Variants in ZNF83 observed in about 807,000 individuals in gnomAD.
The protein encoded by ZNF83 is zinc finger protein 816B.
For synonymous variants in ZNF83, 209 were observed against 213.0 expected, an observed-to-expected ratio of 0.98 and a Z score of 0.17; for missense variants, 552 against 629.9, an observed-to-expected ratio of 0.88 and a Z score of 1.32.
intron 2 of ZNF83, chr19:52,617,411 C>CAGAAATACAA (rs2060350636): frequency 1.3e-5 from 2 of 152,012 alleles, no homozygotes; most frequent in African/African-American, 4.8e-5. Context: ...TTGAGGTGGT[C>CAGAAATACAA]AGAAATACAA....
chr19:52,631,184 T>G (rs1089761), intron 2 of ZNF83, among the ~76,000 whole-genome samples: 1 of 146,066 alleles, frequency 6.8e-6, no homozygotes, highest in East Asian at 2.0e-4. Context: ...CCCAAATTTC[T>G]TCCTCATCTG....
At chr19:52,658,068 G>A (rs749600470) in intron 2 of ZNF83, among the ~76,000 whole-genome samples, 3 of 151,424 alleles carry the variant, frequency 2.0e-5, no homozygotes, top group Non-Finnish European at 2.9e-5. Flanking sequence ...CCATGAAAGC[G>A]GAGGTTGCAA....
intron 1 of ZNF83, among the ~76,000 whole-genome samples, chr19:52,666,367 C>T (rs2061653488): frequency 6.6e-6 from 1 of 152,084 alleles, no homozygotes; most frequent in South Asian, 2.1e-4. Flanking sequence ...AATTGAAGGT[C>T]TTCTCCATGA....
intron 3 of ZNF83, chr19:52,654,051 C>T: frequency 6.3e-7 from 1 of 1,588,856 alleles, no homozygotes. Context: ...TGATAGACTT[C>T]TCCACTTGAT....
chr19:52,629,735 C>T (rs2060881432), intron 2 of ZNF83, among the ~76,000 whole-genome samples: 1 of 152,198 alleles, frequency 6.6e-6, no homozygotes, highest in Non-Finnish European at 1.5e-5. Context: ...CGTTTGGCAG[C>T]AACCCTGAGA....
At chr19:52,645,625 G>A (rs971063705) in intron 3 of ZNF83, among the ~76,000 whole-genome samples, 5 of 152,086 alleles carry the variant, frequency 3.3e-5, no homozygotes, top group Non-Finnish European at 5.9e-5. Flanking sequence ...TGGCCAACAT[G>A]GTGAAACTCC....
intron 3 of ZNF83, chr19:52,652,898 G>T: frequency 9.1e-7 from 1 of 1,102,632 alleles, no homozygotes; most frequent in Non-Finnish European, 1.4e-6. Flanking sequence ...CACTTGTAAG[G>T]TTTCTCTCCA....
At chr19:52,689,977 G>GC (rs1377591991) in intron 1 of ZNF83, among the ~76,000 whole-genome samples, 1 of 152,188 alleles carries the variant, frequency 6.6e-6, no homozygotes, top group Non-Finnish European at 1.5e-5. Context: ...GAGGGAGGTG[G>GC]GGGGCGACGG....
chr19:52,677,697 G>A (rs565371168), intron 1 of ZNF83, among the ~76,000 whole-genome samples: 5 of 53,654 alleles, frequency 9.3e-5, no homozygotes, highest in African/African-American at 3.6e-4. Flanking sequence ...GACCACAGGC[G>A]TGAAGAATGA....
chr19:52,622,163 A>G (rs1452086345), intron 2 of ZNF83, among the ~76,000 whole-genome samples: 2 of 151,840 alleles, frequency 1.3e-5, no homozygotes, highest in South Asian at 2.1e-4. Context: ...TCGGCTTACA[A>G]TTTCGTTCTG....
intron 3 of ZNF83, among the ~76,000 whole-genome samples, chr19:52,649,904 A>T (rs552356770): frequency 6.6e-6 from 1 of 152,142 alleles, no homozygotes; most frequent in South Asian, 2.1e-4. Flanking sequence ...AAAAAGAAAA[A>T]TTTTCTGACA....
chr19:52,668,575 A>G (rs748127112), intron 1 of ZNF83, among the ~76,000 whole-genome samples: 1 of 152,102 alleles, frequency 6.6e-6, no homozygotes, highest in African/African-American at 2.4e-5. Flanking sequence ...CCTTTCCCAA[A>G]TCTATGAAAT....
At chr19:52,672,070 C>A (rs2061734073) in intron 1 of ZNF83, among the ~76,000 whole-genome samples, 2 of 151,980 alleles carry the variant, frequency 1.3e-5, no homozygotes, top group South Asian at 4.2e-4. Context: ...CCCATCTGTA[C>A]TAAAAATACA....
At chr19:52,669,851 C>T (rs564550700) in intron 1 of ZNF83, among the ~76,000 whole-genome samples, 1 of 152,282 alleles carries the variant, frequency 6.6e-6, no homozygotes, top group African/African-American at 2.4e-5. Context: ...TCTCCCTTAA[C>T]TATCCTCCAC....
intron 1 of ZNF83, among the ~76,000 whole-genome samples, chr19:52,680,770 G>A (rs368618392): frequency 2.8e-5 from 4 of 141,128 alleles, no homozygotes; most frequent in Non-Finnish European, 4.6e-5. Flanking sequence ...CCGCCACTAC[G>A]CCCGGCTAAT....
At position 52,658,111 on chromosome 19, in the gene ZNF83, C is replaced by T. The variant is rs1275909301; in HGVS notation, c.-200-2424G>A. Among the ~76,000 whole-genome samples, 3 of 146,148 alleles carry T rather than the reference C, an allele frequency of 2.1e-5. No homozygotes were observed. The Admixed American group carries it at 2.1e-4, about 10-fold the overall frequency. On this transcript the variant is annotated intron_variant, in intron 2 of 5. Coordinates refer to the ZNF83 transcript ENST00000594682. Reference sequence around the variant, plus strand: ...AGTTCATGCCATTGCACTCCACCCTCGGCAACCAGAGTGAAACTTCATCTC... The same window carrying T: ...AGTTCATGCCATTGCACTCCACCCTTGGCAACCAGAGTGAAACTTCATCTC...
At chr19:52,673,144 G>A (rs2061749336) in intron 1 of ZNF83, among the ~76,000 whole-genome samples, 1 of 152,128 alleles carries the variant, frequency 6.6e-6, no homozygotes, top group African/African-American at 2.4e-5. Flanking sequence ...AGGGAGCAGA[G>A]GTTGCAGTGA....
intron 3 of ZNF83, among the ~76,000 whole-genome samples, chr19:52,647,640 C>G (rs888716105): frequency 6.6e-6 from 1 of 150,550 alleles, no homozygotes; most frequent in Non-Finnish European, 1.5e-5. Context: ...TCATTCTCCC[C>G]TTCTCTCTCT....
chr19:52,690,214 G>A (rs1239353603), intron 1 of ZNF83, among the ~76,000 whole-genome samples: 1 of 151,112 alleles, frequency 6.6e-6, no homozygotes, highest in Non-Finnish European at 1.5e-5. Flanking sequence ...ACAACTACGC[G>A]ATAGGAAGTG....
Sources: gnomAD v4.1 joint callset for allele counts (sites outside exome capture counted in the v4.1 genomes callset) on GRCh38, gnomAD v4.1.1 for gene constraint, MANE v1.5 for transcripts, NCBI Gene and HGNC (gene_info 2026-07-23, HGNC 2026-07-21) for gene names.